EPHB1: variants seen among roughly 807,000 people sequenced by gnomAD.
EPHB1 encodes EPH receptor B1.
In EPHB1, 30 loss-of-function variants were observed where a neutral mutation model predicts 94.4. The observed-to-expected ratio is 0.32, with a 90% CI of 0.24 to 0.43. EPHB1 has a LOEUF of 0.43. Among genes scored for constraint, EPHB1 ranks in the 20% least tolerant of loss-of-function variants. The probability of loss-of-function intolerance (pLI) is 1.00; values close to 1 mark genes in which losing one functional copy is unlikely to be tolerated. For missense variants in EPHB1, 1,055 were observed against 1,308.3 expected (o/e 0.81, Z 2.99); for synonymous variants, 522 against 489.1 (o/e 1.07, Z -0.89).
At chr3:134,905,921 C>T (rs761948282) in intron 1 of EPHB1, among the ~76,000 whole-genome samples, 5 of 152,208 alleles carry the variant, frequency 3.3e-5, no homozygotes, top group Non-Finnish European at 7.3e-5. Context: ...TCCTCTGCCA[C>T]CTGATTTTGC....
At chr3:134,881,179 T>G (rs926883122) in intron 1 of EPHB1, among the ~76,000 whole-genome samples, 3 of 152,082 alleles carry the variant, frequency 2.0e-5, no homozygotes, top group Non-Finnish European at 4.4e-5. Flanking sequence ...CCCAGAGCCC[T>G]TGTATGCTGT....
chr3:135,141,949 C>A (rs1295066488), intron 5 of EPHB1, among the ~76,000 whole-genome samples: 1 of 152,178 alleles, frequency 6.6e-6, no homozygotes, highest in Non-Finnish European at 1.5e-5. Context: ...GAAAGCAAAG[C>A]AGGAGAATGA....
intron 2 of EPHB1, among the ~76,000 whole-genome samples, chr3:134,929,018 A>T (rs1446352657): frequency 6.6e-6 from 1 of 152,210 alleles, no homozygotes; most frequent in Non-Finnish European, 1.5e-5. Context: ...CCAGCACAGG[A>T]AGCCAGAAAG....
chr3:134,833,453 T>C (rs2036613865), intron 1 of EPHB1, among the ~76,000 whole-genome samples: 1 of 152,172 alleles, frequency 6.6e-6, no homozygotes, highest in South Asian at 2.1e-4. Flanking sequence ...GTGGTTAGGT[T>C]TTATGGCGTG....
In EPHB1 at chr3:135,260,193, G is replaced by A. The variant is rs985283359; in HGVS notation, c.*1073G>A. ...GAGAAGGAAAGTGTTTCTGGAGAATGTTCTTTCACATCACTGGAATCTGCA... is the reference window on the plus strand; with the variant it reads ...GAGAAGGAAAGTGTTTCTGGAGAATATTCTTTCACATCACTGGAATCTGCA... On this transcript the variant is annotated 3_prime_UTR_variant, in exon 16 of 16. Transcript: ENST00000398015. 5 of 232,846 alleles carry A rather than the reference G, an allele frequency of 2.1e-5. No homozygotes were observed. The highest frequency in any genetic ancestry group is 6.6e-5 in the African/African-American group (3 of 45,308). The allele number at this position is 232,846 out of a possible 1,614,324, so 14.4% of individuals were successfully genotyped here.
intron 10 of EPHB1, among the ~76,000 whole-genome samples, chr3:135,190,054 AC>A (rs1942417623): frequency 6.6e-6 from 1 of 152,202 alleles, no homozygotes; most frequent in African/African-American, 2.4e-5. Context: ...GCCAACTGAA[AC>A]ATAGCTATCT....
chr3:135,086,413 C>G (rs1429347460), intron 3 of EPHB1, among the ~76,000 whole-genome samples: 1 of 151,786 alleles, frequency 6.6e-6, no homozygotes, highest in Non-Finnish European at 1.5e-5. Flanking sequence ...TGCCCCACTT[C>G]AAGACTTCCC....
At chr3:135,073,969 A>G (rs1937817751) in intron 3 of EPHB1, among the ~76,000 whole-genome samples, 1 of 152,228 alleles carries the variant, frequency 6.6e-6, no homozygotes, top group South Asian at 2.1e-4. Context: ...CTTCAACTTC[A>G]TATTCATCCA....
intron 1 of EPHB1, among the ~76,000 whole-genome samples, chr3:134,893,774 G>A (rs1419082384): frequency 6.6e-6 from 1 of 152,182 alleles, no homozygotes; most frequent in East Asian, 1.9e-4. Context: ...AAGGCATTTG[G>A]GTAACTCCTT....
intron 1 of EPHB1, among the ~76,000 whole-genome samples, chr3:134,803,509 G>A (rs2035972600): frequency 6.6e-6 from 1 of 152,196 alleles, no homozygotes; most frequent in South Asian, 2.1e-4. Flanking sequence ...CAGGACTGGA[G>A]GTCGGTTTTT....
intron 3 of EPHB1, among the ~76,000 whole-genome samples, chr3:134,995,905 A>G (rs545719680): frequency 2.0e-5 from 3 of 152,360 alleles, no homozygotes; most frequent in South Asian, 2.1e-4. Flanking sequence ...TAATACTGCT[A>G]TGTAGACATA....
intron 10 of EPHB1, 63 bp from the exon 11 acceptor site, chr3:135,192,513 C>A: frequency 6.3e-7 from 1 of 1,575,222 alleles, no homozygotes; most frequent in Non-Finnish European, 8.6e-7. Context: ...CATTAGATGA[C>A]TTCCCTCTTG....
chr3:134,919,812 C>T (rs1381103084), intron 1 of EPHB1, among the ~76,000 whole-genome samples: 1 of 151,892 alleles, frequency 6.6e-6, no homozygotes, highest in South Asian at 2.1e-4. Flanking sequence ...ATATCCCACT[C>T]TTGCCAGTAT....
At chr3:134,880,960 T>C (rs536012893) in intron 1 of EPHB1, among the ~76,000 whole-genome samples, 7 of 152,270 alleles carry the variant, frequency 4.6e-5, no homozygotes, top group Admixed American at 2.0e-4. Context: ...GGGATGCAGT[T>C]AAAGTGAATA....
intron 3 of EPHB1, among the ~76,000 whole-genome samples, chr3:135,075,655 G>A (rs1292142462): frequency 1.3e-5 from 2 of 152,180 alleles, no homozygotes; most frequent in Non-Finnish European, 2.9e-5. Flanking sequence ...ATCATCCACA[G>A]CTCTTCTCAG....
At chr3:135,099,449 A>G (rs1212782504) in intron 3 of EPHB1, among the ~76,000 whole-genome samples, 1 of 152,130 alleles carries the variant, frequency 6.6e-6, no homozygotes, top group Non-Finnish European at 1.5e-5. Flanking sequence ...GGGAAATGGG[A>G]GCTCCCATAA....
intron 9 of EPHB1, among the ~76,000 whole-genome samples, chr3:135,179,494 T>G (rs535474577): frequency 1.3e-5 from 2 of 152,294 alleles, no homozygotes; most frequent in East Asian, 3.9e-4. Flanking sequence ...ACCCTACCAT[T>G]TTACCACCAC....
At position 135,098,038 on chromosome 3, in the gene EPHB1, G is replaced by A. The variant is rs145597247; in HGVS notation, c.806-8410G>A. 7.6e-3 allele frequency among the ~76,000 whole-genome samples: 1,162 copies of A among 152,104 alleles called. 11 individuals carry two copies. The highest frequency in any genetic ancestry group is 0.044 in the Middle Eastern group (13 of 294). On this transcript the variant is annotated intron_variant, in intron 3 of 15. Coordinates refer to ENST00000398015, the MANE Select transcript of EPHB1 (RefSeq NM_004441.5). ...CACCTCCTCTAGGCAGCCTTCCAACGGCAACCCACTCTCCCCTTCCTCTAA... is the reference window on the plus strand; with the variant it reads ...CACCTCCTCTAGGCAGCCTTCCAACAGCAACCCACTCTCCCCTTCCTCTAA...
At chr3:134,914,374 G>A (rs1445333206) in intron 1 of EPHB1, among the ~76,000 whole-genome samples, 2 of 152,264 alleles carry the variant, frequency 1.3e-5, no homozygotes, top group Admixed American at 6.5e-5. Context: ...GCCTTGTGAA[G>A]TGAACATTAT....
Sources: gnomAD v4.1 joint callset for allele counts (sites outside exome capture counted in the v4.1 genomes callset) on GRCh38, gnomAD v4.1.1 for gene constraint, MANE v1.5 for transcripts, NCBI Gene and HGNC (gene_info 2026-07-23, HGNC 2026-07-21) for gene names.